ZFAND3: variants seen among roughly 807,000 people sequenced by gnomAD.
ZFAND3 encodes the protein zinc finger AN1-type containing 3.
In ZFAND3, 10 loss-of-function variants were observed where a neutral mutation model predicts 29.6. The observed-to-expected ratio is 0.34, with a 90% CI of 0.21 to 0.57. The LOEUF (loss-of-function observed/expected upper bound fraction) is 0.57, where lower values mean the gene tolerates loss of function less well. Ranked by LOEUF, ZFAND3 falls within the 20% of genes least tolerant of loss-of-function variation. The pLI, the probability that ZFAND3 is intolerant of heterozygous loss-of-function variation, is 0.86. For synonymous variants in ZFAND3, 128 were observed against 112.6 expected (o/e 1.14, Z -0.87); for missense variants, 230 against 304.5 (o/e 0.76, Z 1.82).
At chr6:37,826,097 A>C (rs1375150215) in intron 1 of ZFAND3, among the ~76,000 whole-genome samples, 1 of 132,706 alleles carries the variant, frequency 7.5e-6, no homozygotes, top group Non-Finnish European at 1.8e-5. Flanking sequence ...CTCTCTTGCA[A>C]AAAAAAAAGA....
chr6:38,067,284 C>G (rs1262315547), intron 3 of ZFAND3, among the ~76,000 whole-genome samples: 1 of 152,228 alleles, frequency 6.6e-6, no homozygotes, highest in Non-Finnish European at 1.5e-5. Flanking sequence ...CCACACAGTT[C>G]AAACTGCTCT....
chr6:38,017,747 C>T (rs981279559), intron 2 of ZFAND3, among the ~76,000 whole-genome samples: 12 of 151,724 alleles, frequency 7.9e-5, no homozygotes, highest in Non-Finnish European at 8.8e-5. Context: ...TTCAGTCTTC[C>T]GGGAAACTCC....
At position 38,108,783 on chromosome 6, in the gene ZFAND3, C is replaced by CT. The variant is rs1293706568; in HGVS notation, c.362-7786dup. Among the ~76,000 whole-genome samples the CT allele has an allele frequency of 2.0e-5, 3 of 152,168 alleles. No individual in the cohort carries two copies. In the East Asian group the frequency reaches 5.8e-4, roughly 29 times the overall value. Reference sequence around the variant, plus strand: ...CACCCAGACACATGCAGAAACAATACTTTATCAGCCATCTAGGCATCCCTT... The same window carrying CT: ...CACCCAGACACATGCAGAAACAATACTTTTATCAGCCATCTAGGCATCCCTT... On this transcript the variant is annotated intron_variant, in intron 4 of 5. Coordinates refer to ENST00000287218, the MANE Select transcript of ZFAND3 (RefSeq NM_021943.3).
intron 2 of ZFAND3, among the ~76,000 whole-genome samples, chr6:37,947,775 C>G (rs1761928265): frequency 6.6e-6 from 1 of 151,938 alleles, no homozygotes; most frequent in African/African-American, 2.4e-5. Context: ...CCTTTGCTTT[C>G]TTATACCACC....
At chr6:38,081,159 CTTTTTTT>C in intron 3 of ZFAND3, among the ~76,000 whole-genome samples, 1 of 143,960 alleles carries the variant, frequency 6.9e-6, no homozygotes, top group South Asian at 2.2e-4. Flanking sequence ...GAAGTTTTTT[CTTTTTTT>C]TTTTTAAAGA....
intron 2 of ZFAND3, among the ~76,000 whole-genome samples, chr6:38,046,728 A>G (rs914237881): frequency 4.6e-5 from 7 of 152,198 alleles, no homozygotes; most frequent in Admixed American, 2.0e-4. Flanking sequence ...TAAAACACAA[A>G]ATTTTGAGTC....
At chr6:38,073,494 A>G (rs1336085240) in intron 3 of ZFAND3, among the ~76,000 whole-genome samples, 1 of 152,192 alleles carries the variant, frequency 6.6e-6, no homozygotes, top group Non-Finnish European at 1.5e-5. Flanking sequence ...GTGAAGCCTA[A>G]ATTGGAGAGG....
intron 5 of ZFAND3, among the ~76,000 whole-genome samples, chr6:38,145,022 A>G (rs1766074790): frequency 6.6e-6 from 1 of 152,180 alleles, no homozygotes; most frequent in Admixed American, 6.5e-5. Context: ...ACACCTGCCC[A>G]ATTCTTAGGG....
At chr6:37,986,606 C>T (rs567860726) in intron 2 of ZFAND3, among the ~76,000 whole-genome samples, 3 of 152,258 alleles carry the variant, frequency 2.0e-5, no homozygotes, top group South Asian at 4.1e-4. Flanking sequence ...CTCCCAACCC[C>T]GTCTGTCCAG....
intron 1 of ZFAND3, among the ~76,000 whole-genome samples, chr6:37,920,796 T>C (rs1581762591): frequency 6.6e-6 from 1 of 152,204 alleles, no homozygotes; most frequent in African/African-American, 2.4e-5. Context: ...GACAGGCTGG[T>C]TGCACCCCTG....
intron 1 of ZFAND3, among the ~76,000 whole-genome samples, chr6:37,911,288 AT>A (rs1765516538): frequency 6.6e-6 from 1 of 152,066 alleles, no homozygotes; most frequent in Non-Finnish European, 1.5e-5. Context: ...TTCTCTGGTG[AT>A]TATTAATGTT....
intron 2 of ZFAND3, among the ~76,000 whole-genome samples, chr6:38,030,811 T>TG (rs1426643743): frequency 6.6e-6 from 1 of 152,152 alleles, no homozygotes; most frequent in Non-Finnish European, 1.5e-5. Context: ...GGTAAGGGGA[T>TG]GCCAGACAAA....
intron 1 of ZFAND3, among the ~76,000 whole-genome samples, chr6:37,822,919 C>T (rs1763692910): frequency 6.6e-6 from 1 of 152,084 alleles, no homozygotes; most frequent in Admixed American, 6.5e-5. Flanking sequence ...AGGGTGATCA[C>T]AATCTAGAGA....
chr6:38,125,124 C>A (rs1214266341), intron 5 of ZFAND3, among the ~76,000 whole-genome samples: 3 of 152,182 alleles, frequency 2.0e-5, no homozygotes, highest in African/African-American at 7.2e-5. Context: ...AATCTTGAGG[C>A]AAATTCTGAG....
At chr6:37,886,280 A>AAAAAAAAAAAAAAAAAAAAAAAAAAC (rs1561922411) in intron 1 of ZFAND3, among the ~76,000 whole-genome samples, 2 of 128,866 alleles carry the variant, frequency 1.6e-5, no homozygotes, top group African/African-American at 6.1e-5. Context: ...AAAAAAAAAA[A>AAAAAAAAAAAAAAAAAAAAAAAAAAC]AGTTCAAAGA....
chr6:38,103,396 T>A (rs1283939220), intron 4 of ZFAND3, among the ~76,000 whole-genome samples: 1 of 147,078 alleles, frequency 6.8e-6, no homozygotes, highest in Non-Finnish European at 1.5e-5. Flanking sequence ...CACACACACA[T>A]ATATATACAC....
intron 1 of ZFAND3, among the ~76,000 whole-genome samples, chr6:37,871,142 G>T (rs1764688572): frequency 6.6e-6 from 1 of 152,128 alleles, no homozygotes; most frequent in South Asian, 2.1e-4. Flanking sequence ...GACCTTTGAT[G>T]TTGTAATACA....
At chr6:37,898,918 C>T (rs1253736689) in intron 1 of ZFAND3, among the ~76,000 whole-genome samples, 3 of 81,642 alleles carry the variant, frequency 3.7e-5, no homozygotes, top group East Asian at 2.8e-4. Context: ...TATTTTGAGA[C>T]GGAGTCTCAC....
chr6:37,957,095 C>A (rs1315907459), intron 2 of ZFAND3, among the ~76,000 whole-genome samples: 1 of 152,182 alleles, frequency 6.6e-6, no homozygotes, highest in Non-Finnish European at 1.5e-5. Flanking sequence ...TGCTGCTCTT[C>A]AGCTCTGGTG....
Sources: gnomAD v4.1 joint callset for allele counts (sites outside exome capture counted in the v4.1 genomes callset) on GRCh38, gnomAD v4.1.1 for gene constraint, MANE v1.5 for transcripts, NCBI Gene and HGNC (gene_info 2026-07-23, HGNC 2026-07-21) for gene names.